The following CREM variants were observed in gnomAD, a reference collection of about 807,000 sequenced individuals.
CREM encodes the protein cAMP-responsive element modulator.
Under a neutral mutation model 37.3 loss-of-function variants are expected in CREM, and 13 were observed. That is an observed-to-expected ratio of 0.35 (90% CI 0.23 to 0.55). The LOEUF (loss-of-function observed/expected upper bound fraction) is 0.55. Among genes scored for constraint, CREM ranks in the 20% least tolerant of loss-of-function variants. CREM has a pLI of 0.88. For missense variants in CREM, 296 were observed against 362.3 expected, an observed-to-expected ratio of 0.82 and a Z score of 1.49; for synonymous variants, 124 against 120.2, an observed-to-expected ratio of 1.03 and a Z score of -0.21.
At chr10:35,138,375 A>G (rs576492654) in intron 2 of CREM, among the ~76,000 whole-genome samples, 10 of 152,344 alleles carry the variant, frequency 6.6e-5, no homozygotes, top group Admixed American at 4.6e-4. Context: ...CACTTTTTGT[A>G]AAGTTATTTA....
chr10:35,154,050 T>C (rs1214839579), intron 3 of CREM: 1 of 398,442 alleles, frequency 2.5e-6, no homozygotes, highest in Non-Finnish European at 4.4e-6. Context: ...TCTTATCTTT[T>C]CCATTCTAAG....
intron 3 of CREM, among the ~76,000 whole-genome samples, chr10:35,173,893 A>G (rs897116248): frequency 2.0e-5 from 3 of 152,216 alleles, no homozygotes; most frequent in Non-Finnish European, 4.4e-5. Context: ...AGACTAAAAT[A>G]TTTGAGAATT....
intron 3 of CREM, among the ~76,000 whole-genome samples, chr10:35,155,953 T>G (rs976719790): frequency 1.3e-5 from 2 of 150,860 alleles, no homozygotes; most frequent in African/African-American, 4.9e-5. Flanking sequence ...TTCTTTTTTT[T>G]TTTTGAGACA....
At chr10:35,151,231 A>G (rs548604444) in intron 3 of CREM, among the ~76,000 whole-genome samples, 1 of 152,374 alleles carries the variant, frequency 6.6e-6, no homozygotes, top group East Asian at 1.9e-4. Context: ...TGCTTCTTTA[A>G]AAATCTCAAA....
intron 3 of CREM, among the ~76,000 whole-genome samples, chr10:35,158,826 T>TG (rs1453865226): frequency 4.8e-5 from 7 of 146,824 alleles, no homozygotes; most frequent in African/African-American, 1.7e-4. Flanking sequence ...TGTTTGTTTT[T>TG]TTTTTTTTTT....
intron 3 of CREM, among the ~76,000 whole-genome samples, chr10:35,160,662 TACTG>T (rs1202314309): frequency 6.6e-6 from 1 of 152,220 alleles, no homozygotes; most frequent in African/African-American, 2.4e-5. Context: ...AACTGTAGCT[TACTG>T]TAAGTTTTTT....
intron 1 of CREM, chr10:35,127,622 A>G (rs2088140097): frequency 6.6e-6 from 1 of 152,348 alleles, no homozygotes; most frequent in Non-Finnish European, 1.5e-5. Context: ...TTACGAGCGC[A>G]GTTTAGACGA....
chr10:35,134,836 G>A (rs904502300), intron 1 of CREM, among the ~76,000 whole-genome samples: 3 of 152,034 alleles, frequency 2.0e-5, no homozygotes, highest in Non-Finnish European at 2.9e-5. Flanking sequence ...TCAGGGGTTC[G>A]AGACCAGCCT....
Position 35,196,932 on chromosome 10 carries a change from C to T in CREM, c.598+8544C>T, listed in dbSNP as rs374760204. ...TCGCCCAGGCTGGAGTGCAGTGGCG[C>T]GATCTTGGCTCACTGCAAGCTCCGC... On this transcript the variant is annotated intron_variant, in intron 6 of 7. Coordinates refer to ENST00000685392, the MANE Select transcript of CREM (RefSeq NM_183011.2). Among the ~76,000 whole-genome samples the T allele has an allele frequency of 3.6e-4, 49 of 134,684 alleles. 1 individual carries two copies. The East Asian group carries it at 9.7e-3, about 27-fold the overall frequency. The allele number at this position is 134,684 out of a possible 152,430, so 88.4% of individuals were successfully genotyped here. A position where few individuals can be genotyped will look rare whatever the true frequency, so the allele number is the denominator to read the frequency against.
intron 2 of CREM, among the ~76,000 whole-genome samples, chr10:35,140,408 A>T (rs765447952): frequency 1.3e-5 from 2 of 152,146 alleles, no homozygotes; most frequent in Non-Finnish European, 2.9e-5. Context: ...CCTCTTTTTC[A>T]TCCCTCATCA....
chr10:35,131,980 C>T (rs2089470388), intron 1 of CREM, among the ~76,000 whole-genome samples: 1 of 152,036 alleles, frequency 6.6e-6, no homozygotes, highest in Non-Finnish European at 1.5e-5. Flanking sequence ...CTTTGGGAGG[C>T]CGAGGCGGGC....
intron 6 of CREM, among the ~76,000 whole-genome samples, chr10:35,206,079 T>C (rs59428109): frequency 0.14 from 21,612 of 151,528 alleles, 1,834 homozygotes; most frequent in East Asian, 0.23. Context: ...AAACCCCGTC[T>C]CTACTAAAAA....
intron 6 of CREM, among the ~76,000 whole-genome samples, chr10:35,202,430 A>AT (rs991416143): frequency 3.3e-5 from 5 of 152,084 alleles, no homozygotes; most frequent in African/African-American, 9.7e-5. Context: ...TTGTATCTTT[A>AT]TTTTTTTAAG....
chr10:35,127,668 C>G (rs2088158295), intron 1 of CREM: 1 of 152,312 alleles, frequency 6.6e-6, no homozygotes, highest in African/African-American at 2.4e-5. Context: ...AAAACCTGGG[C>G]CGGAGGGCCT....
chr10:35,194,991 T>C (rs2095089234), intron 6 of CREM: 1 of 440,334 alleles, frequency 2.3e-6, no homozygotes, highest in African/African-American at 2.0e-5. Context: ...TTAAGATGGT[T>C]TATTACAGGA....
At chr10:35,140,351 C>T (rs986939871) in intron 2 of CREM, among the ~76,000 whole-genome samples, 3 of 152,120 alleles carry the variant, frequency 2.0e-5, no homozygotes, top group Non-Finnish European at 2.9e-5. Flanking sequence ...AACTGTAATT[C>T]GCAGGGCACT....
chr10:35,209,373 C>A (rs1340140381), intron 7 of CREM: 2 of 985,114 alleles, frequency 2.0e-6, no homozygotes, highest in Non-Finnish European at 2.4e-6. Flanking sequence ...CACCCAGACA[C>A]ATGCAAGCCT....
chr10:35,187,037 ATATATT>A (rs2094609831), intron 5 of CREM, among the ~76,000 whole-genome samples: 1 of 72,832 alleles, frequency 1.4e-5, no homozygotes, highest in African/African-American at 5.8e-5. Flanking sequence ...CACATATAAT[ATATATT>A]ATATATAATT....
intron 6 of CREM, among the ~76,000 whole-genome samples, chr10:35,203,891 A>G (rs1374350750): frequency 2.6e-5 from 4 of 152,132 alleles, no homozygotes; most frequent in African/African-American, 9.7e-5. Context: ...TTTGGAAAGA[A>G]TGATCCTAGA....
Sources: allele counts gnomAD v4.1 joint callset (sites outside exome capture counted in the v4.1 genomes callset), GRCh38; gene constraint gnomAD v4.1.1; transcripts MANE v1.5; gene names NCBI Gene and HGNC (gene_info 2026-07-23, HGNC 2026-07-21).